The following KLF16 variants were observed in gnomAD, a reference collection of about 807,000 sequenced individuals.
KLF16 encodes Krueppel-like factor 16.
Under a neutral mutation model 6.1 loss-of-function variants are expected in KLF16, and 6 were observed. The observed-to-expected ratio is 0.98, with a 90% CI of 0.54 to 1.93. KLF16 has a LOEUF of 1.93. Among genes scored for constraint, KLF16 ranks in the 30% most tolerant of loss-of-function variants. KLF16 has a pLI of 0.01. For synonymous variants in KLF16, 211 were observed against 176.5 expected (o/e 1.20, Z -1.55); for missense variants, 355 against 363.8 (o/e 0.98, Z 0.20).
At chr19:1,870,151 C>T in the KLF16 span, among the ~76,000 whole-genome samples, 148 of 147,766 alleles carry the variant, frequency 1.0e-3, no homozygotes, top group African/African-American at 3.5e-3. Context: ...AGGCTGGTCT[C>T]GAACTGCTGA....
Position 1,854,504 on chromosome 19 carries a change from G to A in KLF16, c.714C>T (p.Ser238=), listed in dbSNP as rs1368806642. Residue 238 remains serine, a synonymous_variant, in exon 2 of 2, where the codon AGC becomes AGT. Transcript: ENST00000250916. ...SDSLPCSLAG[S]PAPSPAPSPA... ...GGCTGGGCGCGGGGCTGGGCGCAGG[G>A]CTCCCGGCCAGGCTGCAGGGCAGCG... 2.7e-6 allele frequency: 4 copies of A among 1,470,294 alleles called. No homozygotes were observed. 91.1% of individuals were successfully genotyped at this position (1,470,294 alleles called of 1,614,324 possible).
chr19:1,862,333 T>A (rs1327622074), intron 1 of KLF16, among the ~76,000 whole-genome samples: 1 of 152,166 alleles, frequency 6.6e-6, no homozygotes, highest in Non-Finnish European at 1.5e-5. Flanking sequence ...TACGCGCACC[T>A]TCCCGAATCG....
the KLF16 span, among the ~76,000 whole-genome samples, chr19:1,874,088 G>C: frequency 6.6e-5 from 10 of 152,202 alleles, no homozygotes; most frequent in Non-Finnish European, 1.5e-4. Flanking sequence ...AGTACCACAT[G>C]GATCAGATGA....
At chr19:1,859,243 C>T (rs1243438295) in intron 1 of KLF16, among the ~76,000 whole-genome samples, 1 of 152,096 alleles carries the variant, frequency 6.6e-6, no homozygotes, top group Non-Finnish European at 1.5e-5. Context: ...GCTGCTTCCC[C>T]CTCTGGGCCT....
At chr19:1,867,739 C>T (rs904733446), upstream of KLF16, among the ~76,000 whole-genome samples, 1 of 151,992 alleles carries the variant, frequency 6.6e-6, no homozygotes, top group African/African-American at 2.4e-5. Flanking sequence ...GGTGGGGGGC[C>T]GCCTGTAATC....
chr19:1,874,431 C>G, the KLF16 span, among the ~76,000 whole-genome samples: 1 of 151,888 alleles, frequency 6.6e-6, no homozygotes, highest in Non-Finnish European at 1.5e-5. Flanking sequence ...GTTTTGCTTC[C>G]TACCTTACTC....
intron 1 of KLF16, among the ~76,000 whole-genome samples, chr19:1,856,865 G>A (rs2011960197): frequency 6.6e-6 from 1 of 150,660 alleles, no homozygotes; most frequent in Admixed American, 6.6e-5. Flanking sequence ...CGGACAGTCA[G>A]TTGGTTCACT....
Position 1,863,517 on chromosome 19 carries a change from C to G in KLF16, c.-20G>C, listed in dbSNP as rs907152580. The G allele has an allele frequency of 5.1e-6, 5 of 981,528 alleles. No individual in the cohort carries two copies. In the East Asian group the frequency reaches 4.5e-4, roughly 88 times the overall value. 60.8% of individuals were successfully genotyped at this position (981,528 alleles called of 1,614,324 possible). The stretch of plus-strand genomic sequence containing the variant: ...CGACATGCCGAGCAAGGGCGCGCGG[C>G]GCGGCGGGCGGAGCGGAGGCGGCGG... On this transcript the variant is annotated 5_prime_UTR_variant, in exon 1 of 2. Transcript: ENST00000250916.
In KLF16 at chr19:1,863,063, CT is replaced by C; in HGVS notation, c.434del (p.Lys145SerfsTer144). ...AKAYYKSSHLKSHLRTHTGER... is the reference protein window; with the variant it reads ...AKAYYKSSHLXSHLRTHTGER... ...CACCTGTGTGCGTCCGCAGGTGCGA[CT>C]TTAGGTGCGAGGACTTGTAGTAGGC... On this transcript the variant is annotated frameshift_variant, in exon 1 of 2. Coordinates refer to ENST00000250916, the MANE Select transcript of KLF16 (RefSeq NM_031918.4). LOFTEE classifies it low-confidence loss of function (END_TRUNC). 2 of 1,409,984 alleles carry C rather than the reference CT, an allele frequency of 1.4e-6. No homozygotes were observed. The highest frequency in any genetic ancestry group is 1.9e-6 in the Non-Finnish European group (2 of 1,063,610). 87.3% of individuals were successfully genotyped at this position (1,409,984 alleles called of 1,614,324 possible). A position where few individuals can be genotyped will look rare whatever the true frequency, so the allele number is the denominator to read the frequency against.
the KLF16 span, among the ~76,000 whole-genome samples, chr19:1,871,679 G>A: frequency 3.9e-3 from 591 of 152,252 alleles, 7 homozygotes; most frequent in African/African-American, 0.013. Context: ...GGGGGCAGCT[G>A]CAAGCTCCTG....
At chr19:1,860,126 G>GA (rs2012034344) in intron 1 of KLF16, 1 of 150,272 alleles carries the variant, frequency 6.7e-6, no homozygotes, top group Admixed American at 6.6e-5. Flanking sequence ...GGGGCGGGGG[G>GA]GGGGCCCTCC....
upstream of KLF16, among the ~76,000 whole-genome samples, chr19:1,865,097 T>A (rs1303444256): frequency 6.6e-6 from 1 of 152,172 alleles, no homozygotes. Context: ...CAACCATGCT[T>A]GGTTAAGCCA....
At chr19:1,864,791 G>A (rs2012157998), upstream of KLF16, among the ~76,000 whole-genome samples, 1 of 152,236 alleles carries the variant, frequency 6.6e-6, no homozygotes, top group African/African-American at 2.4e-5. Context: ...GGATGGCCCA[G>A]TTCGCAGGCC....
At chr19:1,861,997 T>A (rs945472036) in intron 1 of KLF16, 2 of 152,116 alleles carry the variant, frequency 1.3e-5, no homozygotes, top group African/African-American at 4.8e-5. Flanking sequence ...GCACTCTTGA[T>A]AGAAATGAGA....
At chr19:1,860,951 C>T (rs1036216654) in intron 1 of KLF16, among the ~76,000 whole-genome samples, 2 of 152,038 alleles carry the variant, frequency 1.3e-5, no homozygotes, top group Non-Finnish European at 1.5e-5. Context: ...GGGACGTCAG[C>T]AGGCTCAAGG....
chr19:1,862,716 A>AAC, intron 1 of KLF16: 1 of 273,640 alleles, frequency 3.7e-6, no homozygotes, highest in Non-Finnish European at 6.8e-6. Flanking sequence ...AGAACGCAAA[A>AAC]GAAAAAAAAA....
rs149080927 is a variant in KLF16 at position 1,854,254 on chromosome 19, G to GC, written c.*204dup. 0.45 allele frequency: 233,026 copies of GC among 518,848 alleles called. 58,163 individuals are homozygous for GC. Among genetic ancestry groups the GC allele is most frequent in the Non-Finnish European group, 0.52 (168,076 of 320,326 alleles). 32.1% of individuals were successfully genotyped at this position (518,848 alleles called of 1,614,324 possible). On this transcript the variant is annotated 3_prime_UTR_variant, in exon 2 of 2. Transcript: ENST00000250916. ...GTATCATGGCTATTTACAGACACAAGCCCCCGTCACCCATCCTGAGAGCCA... is the reference window on the plus strand; with the variant it reads ...GTATCATGGCTATTTACAGACACAAGCCCCCCGTCACCCATCCTGAGAGCCA...
At chr19:1,872,545 G>T in the KLF16 span, among the ~76,000 whole-genome samples, 3 of 152,208 alleles carry the variant, frequency 2.0e-5, no homozygotes, top group African/African-American at 7.2e-5. Context: ...TCCCAGAGTC[G>T]CGCTCTTATC....
At chr19:1,871,629 G>A in the KLF16 span, among the ~76,000 whole-genome samples, 3 of 152,128 alleles carry the variant, frequency 2.0e-5, no homozygotes, top group South Asian at 2.1e-4. Context: ...CACTTACCAT[G>A]GTCCAGTCCA....
Sources: gnomAD v4.1 joint callset for allele counts (sites outside exome capture counted in the v4.1 genomes callset) on GRCh38, gnomAD v4.1.1 for gene constraint, MANE v1.5 for transcripts, NCBI Gene and HGNC (gene_info 2026-07-23, HGNC 2026-07-21) for gene names.